EPHB1: variants seen among roughly 807,000 people sequenced by gnomAD.
The protein encoded by EPHB1 is EPH receptor B1.
In EPHB1, 30 loss-of-function variants were observed where a neutral mutation model predicts 94.4. The ratio of observed to expected loss-of-function variants is 0.32; its 90% CI spans 0.24 to 0.43. EPHB1 has a LOEUF of 0.43. Among genes scored for constraint, EPHB1 ranks in the 20% least tolerant of loss-of-function variants. The pLI, the probability that EPHB1 is intolerant of heterozygous loss-of-function variation, is 1.00. For missense variants in EPHB1, 1,055 were observed against 1,308.3 expected (o/e 0.81, Z 2.99); for synonymous variants, 522 against 489.1 (o/e 1.07, Z -0.89).
chr3:134,951,702 G>A lies in EPHB1; in HGVS notation c.455G>A (p.Gly152Glu), dbSNP rs774714501. 2 of 1,614,110 alleles carry A rather than the reference G, an allele frequency of 1.2e-6. No individual in the cohort carries two copies. The highest frequency in any genetic ancestry group is 1.7e-6 in the Non-Finnish European group (2 of 1,179,984). Residue 152 changes from glycine to glutamate, a missense_variant, in exon 3 of 16, where the codon GGG (glycine) becomes GAG (glutamate). Gly to Glu is a moderately conservative substitution (Grantham distance 98). Transcript: ENST00000398015. The surrounding 1 kb of genome is among the most constrained non-coding windows in gnomAD (Gnocchi z 4.5). ...ADESFSQVDF[G>E]GRLMKVNTEV... ...GAGAGCTTCTCCCAGGTGGACTTTG[G>A]GGGAAGGCTGATGAAGGTAAACACA... is the stretch of plus-strand genomic sequence containing the variant.
chr3:135,162,036 T>A lies in EPHB1; in HGVS notation c.1441T>A (p.Ser481Thr), dbSNP rs2107698122. 6.2e-7 allele frequency: 1 copy of A among 1,611,468 alleles called. No individual in the cohort carries two copies. The highest frequency in any genetic ancestry group is 8.5e-7 in the Non-Finnish European group (1 of 1,178,754). Residue 481 changes from serine to threonine, a missense_variant, in exon 7 of 16, where the codon TCC becomes ACC. Coordinates refer to ENST00000398015, the MANE Select transcript of EPHB1 (RefSeq NM_004441.5). The stretch of plus-strand genomic sequence containing the variant: ...CTTTTAGGAACACAATGAGTTCAAC[T>A]CCTCCATGGCCAGGAGTCAGACCAA... ...YYEKEHNEFNSSMARSQTNTA... is the reference protein window; with the variant it reads ...YYEKEHNEFNTSMARSQTNTA...
intron 12 of EPHB1, among the ~76,000 whole-genome samples, chr3:135,219,632 T>C (rs1943231504): frequency 2.0e-5 from 3 of 152,198 alleles, no homozygotes. Context: ...AAAAAATCTT[T>C]ATAACTCTTG....
chr3:135,141,308 G>A (rs1940819245), intron 5 of EPHB1, among the ~76,000 whole-genome samples: 1 of 152,108 alleles, frequency 6.6e-6, no homozygotes, highest in African/African-American at 2.4e-5. Flanking sequence ...TTGTTAAAGG[G>A]ACAATACAGT....
chr3:134,903,616 A>T (rs1412626100), intron 1 of EPHB1, among the ~76,000 whole-genome samples: 1 of 152,060 alleles, frequency 6.6e-6, no homozygotes, highest in Non-Finnish European at 1.5e-5. Context: ...ACTCATGTAT[A>T]CTTCCCTTCC....
intron 1 of EPHB1, among the ~76,000 whole-genome samples, chr3:134,849,578 G>C (rs2036937459): frequency 6.6e-6 from 1 of 152,192 alleles, no homozygotes; most frequent in South Asian, 2.1e-4. Flanking sequence ...GGAGCCTGTA[G>C]TTGGAGATGG....
At chr3:135,096,937 A>G (rs1313285255) in intron 3 of EPHB1, among the ~76,000 whole-genome samples, 2 of 151,994 alleles carry the variant, frequency 1.3e-5, no homozygotes, top group Non-Finnish European at 2.9e-5. Flanking sequence ...CTCTACTTAA[A>G]AAACAAAAGT....
intron 11 of EPHB1, among the ~76,000 whole-genome samples, chr3:135,195,329 TTTTATTTA>T (rs199716460): frequency 6.6e-5 from 10 of 151,770 alleles, no homozygotes; most frequent in East Asian, 3.9e-4. Context: ...CCTGTTTTCT[TTTTATTTA>T]TTTATTTATT....
intron 8 of EPHB1, among the ~76,000 whole-genome samples, chr3:135,166,289 T>G (rs1207040281): frequency 1.3e-5 from 2 of 152,196 alleles, no homozygotes; most frequent in Non-Finnish European, 2.9e-5. Flanking sequence ...GTAAACAGCA[T>G]CCATCCTCAA....
intron 3 of EPHB1, among the ~76,000 whole-genome samples, chr3:134,998,360 T>C (rs1478808823): frequency 6.6e-6 from 1 of 152,218 alleles, no homozygotes; most frequent in Non-Finnish European, 1.5e-5. Flanking sequence ...GTGAAAACTT[T>C]CTTGACTCAC....
intron 3 of EPHB1, among the ~76,000 whole-genome samples, chr3:135,087,815 C>T (rs1185094487): frequency 6.6e-6 from 1 of 152,092 alleles, no homozygotes; most frequent in Non-Finnish European, 1.5e-5. Flanking sequence ...CTGAGCTGCC[C>T]AAGGGTCCTG....
intron 1 of EPHB1, among the ~76,000 whole-genome samples, chr3:134,890,132 C>T (rs1022258176): frequency 6.6e-6 from 1 of 152,156 alleles, no homozygotes; most frequent in Non-Finnish European, 1.5e-5. Flanking sequence ...TCACTACCCC[C>T]CCTTCCACCA....
At chr3:134,963,642 T>A (rs1933617219) in intron 3 of EPHB1, among the ~76,000 whole-genome samples, 1 of 152,160 alleles carries the variant, frequency 6.6e-6, no homozygotes, top group Non-Finnish European at 1.5e-5. Context: ...CCATTGAAGA[T>A]ACCGAGGCAC....
intron 3 of EPHB1, among the ~76,000 whole-genome samples, chr3:135,053,433 G>A (rs1290525536): frequency 6.6e-6 from 1 of 152,124 alleles, no homozygotes; most frequent in African/African-American, 2.4e-5. Flanking sequence ...GACCTTTTGG[G>A]AACTGGTTTA....
intron 1 of EPHB1, among the ~76,000 whole-genome samples, chr3:134,873,064 C>A (rs1171302885): frequency 6.6e-6 from 1 of 152,206 alleles, no homozygotes; most frequent in East Asian, 1.9e-4. Context: ...CTGAAATTTT[C>A]TATCTCAGCA....
intron 1 of EPHB1, among the ~76,000 whole-genome samples, chr3:134,919,344 C>T (rs890727003): frequency 1.3e-5 from 2 of 152,178 alleles, no homozygotes; most frequent in Non-Finnish European, 2.9e-5. Context: ...AACATGTTCT[C>T]TTTGAACTTC....
chr3:134,932,015 GTA>G (rs112447078), intron 2 of EPHB1, among the ~76,000 whole-genome samples: 8 of 150,344 alleles, frequency 5.3e-5, no homozygotes, highest in Admixed American at 1.3e-4. Context: ...ACATATGCTT[GTA>G]TGTGTGTGTG....
intron 14 of EPHB1, 47 bp downstream of exon 14, chr3:135,248,556 T>C (rs951131973): frequency 1.2e-5 from 18 of 1,506,520 alleles, no homozygotes; most frequent in Admixed American, 2.0e-5. Flanking sequence ...GGTTTCATGG[T>C]CAGGGGCATA....
chr3:134,861,292 G>T (rs2037252933), intron 1 of EPHB1, among the ~76,000 whole-genome samples: 1 of 152,208 alleles, frequency 6.6e-6, no homozygotes, highest in African/African-American at 2.4e-5. Context: ...GCAGAAAGCA[G>T]CTGAGTACAT....
intron 1 of EPHB1, among the ~76,000 whole-genome samples, chr3:134,876,479 C>T (rs780247159): frequency 4.1e-4 from 63 of 152,318 alleles, no homozygotes; most frequent in Admixed American, 2.4e-3. Context: ...TCAGGCAACA[C>T]GAGGGCCTGG....
Sources: allele counts gnomAD v4.1 joint callset (sites outside exome capture counted in the v4.1 genomes callset), GRCh38; gene constraint gnomAD v4.1.1; non-coding constraint Gnocchi (gnomAD v3.1); transcripts MANE v1.5; gene names NCBI Gene and HGNC (gene_info 2026-07-23, HGNC 2026-07-21).